The following TMEM25 variants were observed in gnomAD, a reference collection of about 807,000 sequenced individuals.
TMEM25 encodes the protein transmembrane protein 25.
TMEM25 carries 36 observed loss-of-function variants against 37.0 expected under a neutral mutation model. The ratio of observed to expected loss-of-function variants is 0.97; its 90% CI spans 0.75 to 1.28. The LOEUF (loss-of-function observed/expected upper bound fraction) is 1.28. Ranked by LOEUF, TMEM25 falls within the 50% of genes most tolerant of loss-of-function variation. The pLI, the probability that TMEM25 is intolerant of heterozygous loss-of-function variation, is 0.00. For synonymous variants in TMEM25, 197 were observed against 203.7 expected (o/e 0.97, Z 0.28); for missense variants, 444 against 477.9 (o/e 0.93, Z 0.66).
Position 118,534,775 on chromosome 11 carries a change from A to C in TMEM25, c.*195A>C. Reference sequence around the variant, plus strand: ...GGCTGTAACCCGCAGGGGCACAGGTATCTTTGGCAAGGCTACCAGTTGGAC... The same window carrying C: ...GGCTGTAACCCGCAGGGGCACAGGTCTCTTTGGCAAGGCTACCAGTTGGAC... On this transcript the variant is annotated 3_prime_UTR_variant, in exon 9 of 9. Coordinates refer to ENST00000313236, the MANE Select transcript of TMEM25 (RefSeq NM_032780.4). This position sits in a 1 kb window ranked among gnomAD's most constrained non-coding sequence, Gnocchi z 4.6. The C allele has an allele frequency of 7.1e-7, 1 of 1,414,826 alleles. No homozygotes were observed. Among genetic ancestry groups the C allele is most frequent in the Non-Finnish European group, 9.2e-7 (1 of 1,085,186 alleles). The allele number at this position is 1,414,826 out of a possible 1,614,324, so 87.6% of individuals were successfully genotyped here.
downstream of TMEM25, among the ~76,000 whole-genome samples, chr11:118,538,969 G>C (rs187592445): frequency 1.4e-3 from 208 of 150,772 alleles, no homozygotes; most frequent in African/African-American, 4.8e-3. Flanking sequence ...TTTTCCTGTT[G>C]AGTTGTTTGA....
intron 8 of TMEM25, among the ~76,000 whole-genome samples, chr11:118,543,548 C>A (rs782198144): frequency 6.6e-6 from 1 of 152,032 alleles, no homozygotes; most frequent in South Asian, 2.1e-4. Flanking sequence ...AGTGCAGTGG[C>A]GCGATCTTGG....
At position 118,533,068 on chromosome 11, in the gene TMEM25, C is replaced by A. The variant is rs200294993; in HGVS notation, c.534C>A (p.Asp178Glu). The change falls in exon 4 of 9, where the codon GAC becomes GAA. Residue 178 changes from aspartate to glutamate, a missense_variant. Coordinates refer to ENST00000313236, the MANE Select transcript of TMEM25 (RefSeq NM_032780.4). ...QDGPVTVNTSDFLVLDAQNYP... is the reference protein window; with the variant it reads ...QDGPVTVNTSEFLVLDAQNYP... Reference sequence around the variant, plus strand: ...GGCCAGTGACTGTCAACACCTCTGACTTCCTGGTGCTGGATGCGCAGAACT... The same window carrying A: ...GGCCAGTGACTGTCAACACCTCTGAATTCCTGGTGCTGGATGCGCAGAACT... The A allele has an allele frequency of 9.3e-6, 15 of 1,614,044 alleles. No individual in the cohort carries two copies. In the East Asian group the frequency reaches 3.3e-4, roughly 36 times the overall value.
chr11:118,542,253 C>G (rs1345395315), intron 8 of TMEM25, among the ~76,000 whole-genome samples: 1 of 152,072 alleles, frequency 6.6e-6, no homozygotes, highest in African/African-American at 2.4e-5. Context: ...CATGCTAAGT[C>G]AGGTCTCTCT....
In TMEM25 at chr11:118,533,558, CAGGGA is replaced by C. The variant is rs1565333973; in HGVS notation, c.805+8_805+12del. The stretch of plus-strand genomic sequence containing the variant: ...AAAGAGAAGAAAACCAAAGGTAGGC[CAGGGA>C]CACTGGGGGCAGTGTGGATGAGGTC... On this transcript the variant is annotated splice_region_variant and intron_variant, in intron 5 of 8. Coordinates refer to ENST00000313236, the MANE Select transcript of TMEM25 (RefSeq NM_032780.4). The C allele has an allele frequency of 6.2e-7, 1 of 1,613,874 alleles. No individual in the cohort carries two copies. The highest frequency in any genetic ancestry group is 1.7e-5 in the Admixed American group (1 of 60,026).
intron 5 of TMEM25, 91 bp from the exon 6 acceptor site, chr11:118,533,766 C>T (rs1951407287): frequency 6.2e-7 from 1 of 1,602,856 alleles, no homozygotes; most frequent in South Asian, 1.1e-5. Flanking sequence ...TTGAGAGACC[C>T]CTTGCCTGAG....
In TMEM25 at chr11:118,533,493, C is replaced by T. The variant is rs922254923; in HGVS notation, c.747C>T (p.Leu249=). ...CTGCTGGGCTTGCACTGGGCACCCTCGTGGGGTTCAGCACCTTGGTGGCCT... is the reference window on the plus strand; with the variant it reads ...CTGCTGGGCTTGCACTGGGCACCCTTGTGGGGTTCAGCACCTTGGTGGCCT... The part of the protein sequence containing the change: ...VVAAGLALGT[L]VGFSTLVACL... Residue 249 remains leucine, a synonymous_variant, in exon 5 of 9, where the codon CTC becomes CTT. Coordinates refer to ENST00000313236, the MANE Select transcript of TMEM25 (RefSeq NM_032780.4). The T allele has an allele frequency of 1.6e-5, 26 of 1,614,060 alleles. 1 individual carries two copies. Among genetic ancestry groups the T allele is most frequent in the South Asian group, 7.7e-5 (7 of 91,078 alleles).
chr11:118,539,216 G>A (rs564033390), downstream of TMEM25, among the ~76,000 whole-genome samples: 58 of 130,774 alleles, frequency 4.4e-4, no homozygotes, highest in African/African-American at 1.6e-3. Flanking sequence ...TTGCCAGGCT[G>A]GAATGCAGTG....
intron 8 of TMEM25, among the ~76,000 whole-genome samples, chr11:118,541,708 C>T (rs1193935041): frequency 6.6e-6 from 1 of 152,078 alleles, no homozygotes; most frequent in Non-Finnish European, 1.5e-5. Flanking sequence ...TCCACAGTGT[C>T]TGTTCTTCCC....
intron 3 of TMEM25, 46 bp from the exon 4 acceptor site, chr11:118,532,871 T>G: frequency 6.4e-7 from 1 of 1,573,452 alleles, no homozygotes; most frequent in Non-Finnish European, 8.6e-7. Context: ...GGGCTAGAAG[T>G]ATGAGGGGCT....
At chr11:118,547,162 G>A (rs1357814897), downstream of TMEM25, 2 of 152,200 alleles carry the variant, frequency 1.3e-5, no homozygotes, top group Admixed American at 1.3e-4. Context: ...TGAGGAAAGA[G>A]ACTGTTTCCA....
intron 5 of TMEM25, 56 bp from the exon 6 acceptor site, chr11:118,533,801 C>T: frequency 6.2e-7 from 1 of 1,612,362 alleles, no homozygotes; most frequent in African/African-American, 1.3e-5. Context: ...AAGGGTAGGA[C>T]AGCCCAGCGT....
In TMEM25 at chr11:118,535,690, G is replaced by C; in HGVS notation, c.*1110G>C. The C allele has an allele frequency of 1.4e-6, 2 of 1,462,612 alleles. No individual in the cohort carries two copies. The highest frequency in any genetic ancestry group is 1.8e-6 in the Non-Finnish European group (2 of 1,107,444). The allele number at this position is 1,462,612 out of a possible 1,614,324, so 90.6% of individuals were successfully genotyped here. A position where few individuals can be genotyped will look rare whatever the true frequency, so the allele number is the denominator to read the frequency against. Reference sequence around the variant, plus strand: ...AAGTGACCTAAGAACACTTTAAAAAGCAACATGTAAATGATTGGAAATTAA... The same window carrying C: ...AAGTGACCTAAGAACACTTTAAAAACCAACATGTAAATGATTGGAAATTAA... On this transcript the variant is annotated 3_prime_UTR_variant, in exon 9 of 9. Transcript: ENST00000313236.
chr11:118,534,453 A>G lies in TMEM25; in HGVS notation c.1028-54A>G. ...GCCCAGGAGGCAGAGAGAGCTCTCC[A>G]AATTCCAAGGAACAAGCGTTACTGA... On this transcript the variant is annotated intron_variant, in intron 8 of 8. Transcript: ENST00000313236. The surrounding 1 kb of genome is among the most constrained non-coding windows in gnomAD (Gnocchi z 4.6). The G allele has an allele frequency of 6.2e-7, 1 of 1,612,068 alleles. No individual in the cohort carries two copies. Among genetic ancestry groups the G allele is most frequent in the Non-Finnish European group, 8.5e-7 (1 of 1,178,940 alleles).
chr11:118,532,724 G>A lies in TMEM25; in HGVS notation c.383-193G>A, dbSNP rs1326576786. The A allele has an allele frequency of 1.1e-5, 9 of 839,940 alleles. No homozygotes were observed. The African/African-American group carries it at 1.5e-4, about 14-fold the overall frequency. 52.0% of individuals were successfully genotyped at this position (839,940 alleles called of 1,614,324 possible). A position where few individuals can be genotyped will look rare whatever the true frequency, so the allele number is the denominator to read the frequency against. On this transcript the variant is annotated intron_variant, in intron 3 of 8. Transcript: ENST00000313236. ...AGAAGCAGAGCCAGGATTCACATCTGGGCATTTGGCTCTAGTATTTACACT... is the reference window on the plus strand; with the variant it reads ...AGAAGCAGAGCCAGGATTCACATCTAGGCATTTGGCTCTAGTATTTACACT...
At chr11:118,545,702 G>T in intron 8 of TMEM25, 1 of 1,388,740 alleles carries the variant, frequency 7.2e-7, no homozygotes, top group Non-Finnish European at 1.0e-6. Context: ...TGAAACTCAA[G>T]ATACTATCTT....
At position 118,534,558 on chromosome 11, in the gene TMEM25, G is replaced by A; in HGVS notation, c.1079G>A (p.Ser360Asn). Reference sequence around the variant, plus strand: ...TATATCTATCGAGTGTCCAGCGTGAGCAGTGATGAGATCTGGCTCTGAGCC... The same window carrying A: ...TATATCTATCGAGTGTCCAGCGTGAACAGTGATGAGATCTGGCTCTGAGCC... ...LGYIYRVSSV[S>N]SDEIWL is the part of the protein sequence containing the mutation. The change falls in exon 9 of 9, where the codon AGC becomes AAC. Residue 360 changes from serine (S) to asparagine (N), a missense_variant. By Grantham distance (46) the Ser-to-Asn change is conservative (BLOSUM62 1). Transcript: ENST00000313236. This position sits in a 1 kb window ranked among gnomAD's most constrained non-coding sequence, Gnocchi z 4.6. The A allele has an allele frequency of 1.9e-6, 3 of 1,614,194 alleles. No homozygotes were observed. The South Asian group carries it at 3.3e-5, about 18-fold the overall frequency.
At chr11:118,532,869 A>T in intron 3 of TMEM25, 48 bp from the exon 4 acceptor site, 1 of 1,569,948 alleles carries the variant, frequency 6.4e-7, no homozygotes, top group Non-Finnish European at 8.7e-7. Flanking sequence ...AAGGGCTAGA[A>T]GTATGAGGGG....
Position 118,534,379 on chromosome 11 carries a change from C to G in TMEM25, c.1027+24C>G. The G allele has an allele frequency of 6.2e-7, 1 of 1,612,552 alleles. No homozygotes were observed. The highest frequency in any genetic ancestry group is 1.1e-5 in the South Asian group (1 of 90,836). On this transcript the variant is annotated intron_variant, in intron 8 of 8. Coordinates refer to ENST00000313236, the MANE Select transcript of TMEM25 (RefSeq NM_032780.4). The surrounding 1 kb of genome is among the most constrained non-coding windows in gnomAD (Gnocchi z 4.6). ...AGGTACTGGGGAAGGGGCCTGCCAC[C>G]CTCCTCCTCTGCCCCCCAGCCCTGT...
Sources: allele counts gnomAD v4.1 joint callset (sites outside exome capture counted in the v4.1 genomes callset), GRCh38; gene constraint gnomAD v4.1.1; non-coding constraint Gnocchi (gnomAD v3.1); transcripts MANE v1.5; gene names NCBI Gene and HGNC (gene_info 2026-07-23, HGNC 2026-07-21).